STXBP2: variants seen among roughly 807,000 people sequenced by gnomAD.
The protein encoded by STXBP2 is syntaxin binding protein 2, also known as syntaxin-binding protein 2.
Under a neutral mutation model 72.2 loss-of-function variants are expected in STXBP2, and 47 were observed. The ratio of observed to expected loss-of-function variants is 0.65; its 90% CI spans 0.51 to 0.83. The LOEUF (loss-of-function observed/expected upper bound fraction) is 0.83. Among genes scored for constraint, STXBP2 ranks in the 40% least tolerant of loss-of-function variants. The pLI is 0.00. For missense variants in STXBP2, 702 were observed against 807.6 expected (o/e 0.87, Z 1.58); for synonymous variants, 367 against 338.7 (o/e 1.08, Z -0.92).
intron 1 of STXBP2, among the ~76,000 whole-genome samples, chr19:7,637,968 G>A (rs2031625312): frequency 6.6e-6 from 1 of 152,276 alleles, no homozygotes; most frequent in Admixed American, 6.5e-5. Context: ...CCGGAGGTCA[G>A]TGGGATAGCC....
chr19:7,632,405 GGGCTGGAAGCCGGGCA>G, upstream of STXBP2: 1 of 1,613,904 alleles, frequency 6.2e-7, no homozygotes, highest in Non-Finnish European at 8.5e-7. This position sits in a 1 kb window ranked among gnomAD's most constrained non-coding sequence, Gnocchi z 5.2. Flanking sequence ...TGGACCCCAC[GGGCTGGAAGCCGGGCA>G]GGCTGCTGAC....
intron 1 of STXBP2, among the ~76,000 whole-genome samples, chr19:7,637,414 A>G (rs2031592660): frequency 6.6e-6 from 1 of 152,034 alleles, no homozygotes; most frequent in Admixed American, 6.5e-5. Flanking sequence ...CGGGGACCCA[A>G]AGGGGACGGG....
rs2146220188 is a variant in STXBP2, at chr19:7,642,897, C to T, written c.960+74C>T. 1 of 1,613,326 alleles carries T rather than the reference C, an allele frequency of 6.2e-7. No individual in the cohort carries two copies. Among genetic ancestry groups the T allele is most frequent in the South Asian group, 1.1e-5 (1 of 91,080 alleles). ...CTCCCCATGGGCGCAGGGCCACAGC[C>T]TGGATTTCGAGCCTGGACTGAGACC... On this transcript the variant is annotated intron_variant, in intron 11 of 18. Coordinates refer to ENST00000221283, the MANE Select transcript of STXBP2 (RefSeq NM_006949.4). The surrounding 1 kb of genome is among the most constrained non-coding windows in gnomAD (Gnocchi z 6.0).
chr19:7,631,459 T>C, the STXBP2 span: 1 of 1,532,040 alleles, frequency 6.5e-7, no homozygotes, highest in Non-Finnish European at 8.7e-7. Context: ...TCCCACCCGC[T>C]TCTCCACCCC....
At chr19:7,640,398 GTATA>G (rs760278219) in intron 4 of STXBP2, 2 of 592,978 alleles carry the variant, frequency 3.4e-6, no homozygotes, top group Non-Finnish European at 6.2e-6. Context: ...CTGCATGTGT[GTATA>G]TGTGTGTATG....
upstream of STXBP2, among the ~76,000 whole-genome samples, chr19:7,635,011 G>T (rs1462193789): frequency 6.6e-6 from 1 of 152,238 alleles, no homozygotes. Context: ...CTCTACTCCA[G>T]TGTGACCTCA....
intron 2 of STXBP2, 96 bp from the exon 3 acceptor site, chr19:7,638,923 C>T (rs2031678269): frequency 6.3e-7 from 1 of 1,575,898 alleles, no homozygotes; most frequent in East Asian, 2.2e-5. Flanking sequence ...CCAGCCAGCC[C>T]TTGAAACTGC....
chr19:7,642,953 A>AT lies in STXBP2; in HGVS notation c.961-29dup. The AT allele has an allele frequency of 6.2e-7, 1 of 1,613,878 alleles. No homozygotes were observed. Among genetic ancestry groups the AT allele is most frequent in the African/African-American group, 1.3e-5 (1 of 74,980 alleles). On this transcript the variant is annotated intron_variant, in intron 11 of 18. Transcript: ENST00000221283. The surrounding 1 kb of genome is among the most constrained non-coding windows in gnomAD (Gnocchi z 6.0). ...GGGCACTGCCTGGCTTCGCCCCCCA[A>AT]TCCCTACCCTCTTCCCCCTACTTCC...
At chr19:7,637,244 G>C (rs912753153) in intron 1 of STXBP2, 58 bp downstream of exon 1, 15 of 1,228,642 alleles carry the variant, frequency 1.2e-5, no homozygotes, top group Non-Finnish European at 1.4e-5. Context: ...GGTCGGGGAC[G>C]CACGGGCTCT....
chr19:7,642,238 G>C lies in STXBP2; in HGVS notation c.699G>C (p.Met233Ile), dbSNP rs1279459930. The C allele has an allele frequency of 6.2e-7, 1 of 1,614,140 alleles. No individual in the cohort carries two copies. The highest frequency in any genetic ancestry group is 2.2e-5 in the East Asian group (1 of 44,874). Reference protein sequence around the residue: ...PEKTRSQLLIMDRAADPVSPL... With the variant: ...PEKTRSQLLIIDRAADPVSPL... Reference sequence around the variant, plus strand: ...AAACCCGCTCCCAGCTGCTGATAATGGACCGGGCAGCTGACCCCGTGTCCC... The same window carrying C: ...AAACCCGCTCCCAGCTGCTGATAATCGACCGGGCAGCTGACCCCGTGTCCC... Residue 233 changes from methionine (M) to isoleucine (I), a missense_variant, in exon 9 of 19, where the codon ATG (methionine) becomes ATC (isoleucine). Transcript: ENST00000221283. The surrounding 1 kb of genome is among the most constrained non-coding windows in gnomAD (Gnocchi z 6.0).
Position 7,647,832 on chromosome 19 carries a change from C to G in STXBP2, c.*22C>G. 6.3e-7 allele frequency: 1 copy of G among 1,591,974 alleles called. No homozygotes were observed. Among genetic ancestry groups the G allele is most frequent in the Non-Finnish European group, 8.6e-7 (1 of 1,162,388 alleles). On this transcript the variant is annotated 3_prime_UTR_variant, in exon 19 of 19. Coordinates refer to ENST00000221283, the MANE Select transcript of STXBP2 (RefSeq NM_006949.4). ...CTGACCCCTGGCCCCGCCCCCTACCCCTCCCTTTCCAGAGAAATAAACTCT... is the reference window on the plus strand; with the variant it reads ...CTGACCCCTGGCCCCGCCCCCTACCGCTCCCTTTCCAGAGAAATAAACTCT...
chr19:7,635,198 C>G (rs1641981525), upstream of STXBP2, among the ~76,000 whole-genome samples: 1 of 152,158 alleles, frequency 6.6e-6, no homozygotes, highest in Non-Finnish European at 1.5e-5. Flanking sequence ...TTCCATCCCC[C>G]CAGGATCTGG....
At position 7,644,739 on chromosome 19, in the gene STXBP2, C is replaced by T. The variant is rs774692190; in HGVS notation, c.1233C>T (p.Ile411=). The change falls in exon 14 of 19, where the codon ATC becomes ATT. Residue 411 remains isoleucine, a synonymous_variant. Coordinates refer to ENST00000221283, the MANE Select transcript of STXBP2 (RefSeq NM_006949.4). ...AGATCCGGGTCCTGCTGCTCTACAT[C>T]CTCCTTCGGAATGGTGGGTGGGGGC... ...YDKIRVLLLY[I]LLRNGVSEEN... 7 of 1,613,526 alleles carry T rather than the reference C, an allele frequency of 4.3e-6. No individual in the cohort carries two copies. The Admixed American group carries it at 6.7e-5, about 15-fold the overall frequency.
intron 4 of STXBP2, chr19:7,640,075 TGTCTGTGG>T (rs761967335): frequency 2.4e-5 from 15 of 633,346 alleles, no homozygotes; most frequent in South Asian, 2.0e-4. Flanking sequence ...TATGCGTGTG[TGTCTGTGG>T]GTCTGTGTGT....
rs114837958 is a variant in STXBP2 at position 7,638,155 on chromosome 19, C to T, written c.38-571C>T. On this transcript the variant is annotated intron_variant, in intron 1 of 18. Transcript: ENST00000221283. ...ATCCCGGTTCTCCTCTTTTCATTCA[C>T]CTAAAACATGTTTATCGAGTGGCAC... Among the ~76,000 whole-genome samples, 1,429 of 152,318 alleles carry T rather than the reference C, an allele frequency of 9.4e-3. 24 individuals are homozygous for T. Among genetic ancestry groups the T allele is most frequent in the African/African-American group, 0.031 (1,298 of 41,562 alleles).
rs181216956 is a variant in STXBP2, at chr19:7,641,772, C to T, written c.497C>T (p.Thr166Met). Residue 166 changes from threonine (T) to methionine (M), a missense_variant, in exon 7 of 19, where the codon ACG becomes ATG. By Grantham distance (81) the Thr-to-Met change is moderately conservative. Coordinates refer to ENST00000221283, the MANE Select transcript of STXBP2 (RefSeq NM_006949.4). ...TGCCCCTTCCGGGCAGAGGAGCGCACGCGGCAGCTCGAGGTGCTGGCCCAG... is the reference window on the plus strand; with the variant it reads ...TGCCCCTTCCGGGCAGAGGAGCGCATGCGGCAGCTCGAGGTGCTGGCCCAG... The part of the protein sequence containing the change: ...LYCPFRAEER[T>M]RQLEVLAQQI... The T allele has an allele frequency of 2.3e-4, 362 of 1,551,858 alleles. 1 individual carries two copies. The East Asian group carries it at 8.1e-3, about 35-fold the overall frequency.
Position 7,640,912 on chromosome 19 carries a change from C to T in STXBP2, c.338C>T (p.Pro113Leu), listed in dbSNP as rs781527730. 2.5e-6 allele frequency: 4 copies of T among 1,614,222 alleles called. No individual in the cohort carries two copies. The Admixed American group carries it at 5.0e-5, about 20-fold the overall frequency. The change falls in exon 6 of 19, where the codon CCC becomes CTC. Residue 113 changes from proline (P) to leucine (L), a missense_variant. Pro to Leu is a moderately conservative substitution (Grantham distance 98). Coordinates refer to ENST00000221283, the MANE Select transcript of STXBP2 (RefSeq NM_006949.4). ...HIFFTDTCPE[P>L]LFSELGRSRL... ...TGCCTCACCCCAGCCTGCCCCGAGCCCCTGTTCAGTGAGCTAGGCCGCTCT... is the reference window on the plus strand; with the variant it reads ...TGCCTCACCCCAGCCTGCCCCGAGCTCCTGTTCAGTGAGCTAGGCCGCTCT...
intron 3 of STXBP2, 30 bp from the exon 4 acceptor site, chr19:7,639,701 C>A: frequency 6.2e-7 from 1 of 1,609,568 alleles, no homozygotes; most frequent in Non-Finnish European, 8.5e-7. Context: ...GGATGCCACC[C>A]ACCTGTGTCC....
At chr19:7,639,149 T>A in intron 3 of STXBP2, 49 bp downstream of exon 3, 1 of 1,588,056 alleles carries the variant, frequency 6.3e-7, no homozygotes, top group South Asian at 1.1e-5. Flanking sequence ...TGGGAACCCC[T>A]GACTGTGCCC....
Sources: allele counts gnomAD v4.1 joint callset (sites outside exome capture counted in the v4.1 genomes callset), GRCh38; gene constraint gnomAD v4.1.1; non-coding constraint Gnocchi (gnomAD v3.1); transcripts MANE v1.5; gene names NCBI Gene and HGNC (gene_info 2026-07-23, HGNC 2026-07-21).